ESRRG: variants seen among roughly 807,000 people sequenced by gnomAD.
ESRRG encodes the protein estrogen related receptor gamma.
ESRRG carries 13 observed loss-of-function variants against 44.0 expected under a neutral mutation model. The observed-to-expected ratio is 0.30, with a 90% CI of 0.19 to 0.47. The LOEUF is 0.47. ESRRG is among the 20% of genes least tolerant of loss of function. The pLI is 1.00. For missense variants in ESRRG, 395 were observed against 580.6 expected (o/e 0.68, Z 3.29); for synonymous variants, 215 against 214.6 (o/e 1.00, Z -0.02).
chr1:216,973,250 G>A lies in ESRRG; in HGVS notation c.-105-33577C>T, dbSNP rs1014716161. ...GGGTAAAAGCCACAGCCATGATACC[G>A]GCCTAATGAGCCTACACACCCTGCA... is the stretch of plus-strand genomic sequence containing the variant. On this transcript the variant is annotated intron_variant, in intron 1 of 7. Transcript: ENST00000359162. 9.9e-5 allele frequency among the ~76,000 whole-genome samples: 15 copies of A among 152,052 alleles called. 1 individual carries two copies. Among genetic ancestry groups the A allele is most frequent in the African/African-American group, 2.2e-4 (9 of 41,410 alleles).
chr1:216,906,010 CA>C (rs112181458), intron 2 of ESRRG, among the ~76,000 whole-genome samples: 3 of 152,214 alleles, frequency 2.0e-5, no homozygotes, highest in African/African-American at 7.2e-5. Flanking sequence ...CTTGGCCTCA[CA>C]AAGTGCTGGG....
intron 2 of ESRRG, among the ~76,000 whole-genome samples, chr1:216,814,729 T>A (rs1228238562): frequency 6.6e-6 from 1 of 152,180 alleles, no homozygotes; most frequent in Non-Finnish European, 1.5e-5. Context: ...TCTCTGCCTT[T>A]TTCTGTCCAA....
At chr1:216,513,339 T>C (rs1447317783) in intron 6 of ESRRG, among the ~76,000 whole-genome samples, 4 of 152,126 alleles carry the variant, frequency 2.6e-5, no homozygotes, top group Admixed American at 2.6e-4. Context: ...ACATATCAAG[T>C]AGGGAGCTGA....
At chr1:216,848,211 A>C (rs1295706889) in intron 2 of ESRRG, among the ~76,000 whole-genome samples, 1 of 152,082 alleles carries the variant, frequency 6.6e-6, no homozygotes, top group East Asian at 1.9e-4. Context: ...AAAAGTACAC[A>C]CTGCACTTGC....
intron 2 of ESRRG, among the ~76,000 whole-genome samples, chr1:216,924,674 C>G (rs557821110): frequency 9.7e-4 from 148 of 152,178 alleles, no homozygotes; most frequent in Middle Eastern, 3.4e-3. Context: ...CATGGCAATC[C>G]AAAGAGTGTT....
At chr1:216,731,518 T>C (rs1461250821) in intron 2 of ESRRG, among the ~76,000 whole-genome samples, 2 of 152,220 alleles carry the variant, frequency 1.3e-5, no homozygotes, top group Non-Finnish European at 2.9e-5. Context: ...TGAGAACATA[T>C]CACATTCTAG....
chr1:216,860,557 T>A (rs976639684), intron 2 of ESRRG, among the ~76,000 whole-genome samples: 1 of 152,086 alleles, frequency 6.6e-6, no homozygotes, highest in Admixed American at 6.6e-5. Context: ...TAGAGATTTC[T>A]CATTGGAAAG....
chr1:216,752,183 A>G (rs2092086154), intron 2 of ESRRG, among the ~76,000 whole-genome samples: 1 of 152,114 alleles, frequency 6.6e-6, no homozygotes, highest in Non-Finnish European at 1.5e-5. Context: ...AGAGTTAAGT[A>G]TTTTTGTAAA....
At chr1:217,133,109 G>A (rs771856050) in intron 1 of ESRRG, among the ~76,000 whole-genome samples, 5 of 152,224 alleles carry the variant, frequency 3.3e-5, no homozygotes, top group Non-Finnish European at 5.9e-5. Flanking sequence ...GGAAGGACAG[G>A]CCAGAAAGAA....
intron 1 of ESRRG, among the ~76,000 whole-genome samples, chr1:216,971,432 A>G (rs1046187308): frequency 3.3e-5 from 5 of 152,204 alleles, no homozygotes; most frequent in Admixed American, 6.5e-5. Flanking sequence ...CAAACTGATG[A>G]CATTGGGCAC....
At chr1:216,857,773 C>G (rs1310122635) in intron 2 of ESRRG, among the ~76,000 whole-genome samples, 2 of 150,004 alleles carry the variant, frequency 1.3e-5, no homozygotes, top group African/African-American at 4.9e-5. Context: ...AGGATTCATT[C>G]ACCAAAAATG....
intron 3 of ESRRG, among the ~76,000 whole-genome samples, chr1:216,579,849 T>C (rs2062400166): frequency 6.6e-6 from 1 of 152,188 alleles, no homozygotes; most frequent in Admixed American, 6.5e-5. Context: ...GGAGGCAGAA[T>C]TCCCCATGAA....
At chr1:217,126,212 G>GCTACCTAC (rs2092887871) in intron 1 of ESRRG, among the ~76,000 whole-genome samples, 1 of 150,848 alleles carries the variant, frequency 6.6e-6, no homozygotes, top group Admixed American at 6.6e-5. Context: ...TACCTACCTA[G>GCTACCTAC]CTACCTACCT....
At chr1:216,988,675 A>C (rs2075241555) in intron 1 of ESRRG, among the ~76,000 whole-genome samples, 1 of 152,168 alleles carries the variant, frequency 6.6e-6, no homozygotes, top group Admixed American at 6.5e-5. Flanking sequence ...CCATATTTGT[A>C]TATTTCCCTG....
chr1:216,794,587 G>A (rs1247637498), intron 2 of ESRRG, among the ~76,000 whole-genome samples: 1 of 152,164 alleles, frequency 6.6e-6, no homozygotes, highest in African/African-American at 2.4e-5. Flanking sequence ...GCTTGCTTGA[G>A]CTGACATTTA....
At chr1:216,663,174 C>T (rs192147397) in intron 2 of ESRRG, among the ~76,000 whole-genome samples, 138 of 152,124 alleles carry the variant, frequency 9.1e-4, no homozygotes, top group Non-Finnish European at 1.8e-3. Context: ...AAAACATAGG[C>T]GAAAGCTCTG....
At chr1:216,728,027 A>G (rs1242705439), upstream of ESRRG, among the ~76,000 whole-genome samples, 1 of 152,180 alleles carries the variant, frequency 6.6e-6, no homozygotes, top group East Asian at 1.9e-4. Context: ...GTCAGTAAAA[A>G]TTAAATTATA....
At chr1:216,802,885 C>G (rs970511293) in intron 2 of ESRRG, among the ~76,000 whole-genome samples, 1 of 152,126 alleles carries the variant, frequency 6.6e-6, no homozygotes, top group African/African-American at 2.4e-5. Flanking sequence ...AAAAGCAATA[C>G]TAAAAGGAAA....
intron 1 of ESRRG, among the ~76,000 whole-genome samples, chr1:217,122,981 C>T (rs111386481): frequency 0.046 from 6,954 of 151,992 alleles, 239 homozygotes; most frequent in Middle Eastern, 0.082. Flanking sequence ...CGTGAGCCAC[C>T]GCGCCCAGCC....
Sources: gnomAD v4.1 joint callset for allele counts (sites outside exome capture counted in the v4.1 genomes callset) on GRCh38, gnomAD v4.1.1 for gene constraint, MANE v1.5 for transcripts, NCBI Gene and HGNC (gene_info 2026-07-23, HGNC 2026-07-21) for gene names.